The following STX12 variants were observed in gnomAD, a reference collection of about 807,000 sequenced individuals.
The protein encoded by STX12 is syntaxin 12.
In STX12, 17 loss-of-function variants were observed where a neutral mutation model predicts 42.2. The ratio of observed to expected loss-of-function variants is 0.40; its 90% CI spans 0.28 to 0.60. The LOEUF (loss-of-function observed/expected upper bound fraction) is 0.60. Among genes scored for constraint, STX12 ranks in the 20% least tolerant of loss-of-function variants. The pLI, the probability that STX12 is intolerant of heterozygous loss-of-function variation, is 0.39. For synonymous variants in STX12, 108 were observed against 116.7 expected (o/e 0.93, Z 0.48); for missense variants, 297 against 330.9 (o/e 0.90, Z 0.79).
chr1:27,783,316 C>A (rs920150039), intron 1 of STX12, among the ~76,000 whole-genome samples: 1 of 151,876 alleles, frequency 6.6e-6, no homozygotes, highest in Non-Finnish European at 1.5e-5. Flanking sequence ...AAATTGAGTC[C>A]TAGTTGTTTG....
intron 3 of STX12, among the ~76,000 whole-genome samples, chr1:27,796,886 G>A (rs2088789653): frequency 6.6e-6 from 1 of 151,624 alleles, no homozygotes; most frequent in South Asian, 2.1e-4. Flanking sequence ...TGTATTTTTA[G>A]TAGAGATGGG....
intron 4 of STX12, among the ~76,000 whole-genome samples, chr1:27,805,436 T>C (rs1039766667): frequency 6.6e-6 from 1 of 152,220 alleles, no homozygotes; most frequent in African/African-American, 2.4e-5. Context: ...ATTTTCATTT[T>C]TGCAAATTTT....
intron 2 of STX12, among the ~76,000 whole-genome samples, chr1:27,792,556 A>G (rs969907620): frequency 3.3e-5 from 5 of 151,858 alleles, no homozygotes; most frequent in African/African-American, 1.2e-4. Flanking sequence ...GCCCATTTGC[A>G]GTACAGAAAA....
chr1:27,773,826 T>G, intron 1 of STX12: 1 of 206,548 alleles, frequency 4.8e-6, no homozygotes, highest in South Asian at 7.0e-5. Context: ...CCAGTTTGGA[T>G]GGGGTTGTTT....
chr1:27,817,364 C>G (rs781416335), intron 6 of STX12, among the ~76,000 whole-genome samples: 1 of 152,208 alleles, frequency 6.6e-6, no homozygotes, highest in Non-Finnish European at 1.5e-5. Context: ...CCAGCAACTC[C>G]TCACACAGTT....
chr1:27,801,876 G>C, intron 4 of STX12, 61 bp downstream of exon 4: 1 of 1,537,180 alleles, frequency 6.5e-7, no homozygotes, highest in Non-Finnish European at 8.7e-7. Flanking sequence ...CAAGTTTGTG[G>C]GTTTTTTTCT....
In STX12 at chr1:27,824,402, A is replaced by G. The variant is rs1249413039; in HGVS notation, c.*2073A>G. ...GGCCTAGAATTTGTGGTAGTTGCCA[A>G]AGAGGTTCTCCTAGGTGGTCTTAAT... On this transcript the variant is annotated 3_prime_UTR_variant, in exon 9 of 9. Transcript: ENST00000373943. 3 of 152,214 alleles carry G rather than the reference A, an allele frequency of 2.0e-5. No homozygotes were observed. Among genetic ancestry groups the G allele is most frequent in the Non-Finnish European group, 2.9e-5 (2 of 68,050 alleles). The allele number at this position is 152,214 out of a possible 1,614,324, so 9.4% of individuals were successfully genotyped here. A position where few individuals can be genotyped will look rare whatever the true frequency, so the allele number is the denominator to read the frequency against.
At position 27,812,249 on chromosome 1, in the gene STX12, C is replaced by A. The variant is rs139697930; in HGVS notation, c.557C>A (p.Thr186Lys). The change falls in exon 6 of 9, where the codon ACG becomes AAG. Residue 186 changes from threonine (T) to lysine (K), a missense_variant. Transcript: ENST00000373943. ...TTGGAACTTATTAAAGAAAGAGAAACGGCAATTCGGCAGCTGGAGGTGAGA... is the reference window on the plus strand; with the variant it reads ...TTGGAACTTATTAAAGAAAGAGAAAAGGCAATTCGGCAGCTGGAGGTGAGA... Reference protein sequence around the residue: ...QDLELIKERETAIRQLEADIL... With the variant: ...QDLELIKEREKAIRQLEADIL... 6.4e-7 allele frequency: 1 copy of A among 1,556,634 alleles called. No homozygotes were observed.
chr1:27,791,398 A>G (rs1472885555), intron 2 of STX12, among the ~76,000 whole-genome samples: 1 of 152,252 alleles, frequency 6.6e-6, no homozygotes, highest in Non-Finnish European at 1.5e-5. Flanking sequence ...TGCATATGTA[A>G]TCAGAATGGC....
intron 6 of STX12, among the ~76,000 whole-genome samples, chr1:27,814,118 C>T (rs970981683): frequency 1.3e-5 from 2 of 152,112 alleles, no homozygotes; most frequent in Non-Finnish European, 2.9e-5. Context: ...CCAGGCTGGT[C>T]TTGTCTGTTT....
intron 1 of STX12, among the ~76,000 whole-genome samples, chr1:27,784,913 C>T (rs1325763699): frequency 1.3e-5 from 2 of 152,014 alleles, no homozygotes; most frequent in Non-Finnish European, 2.9e-5. Flanking sequence ...ACTTCCTCAA[C>T]CCCTCCCTAT....
chr1:27,811,374 G>T (rs1442360623), intron 5 of STX12, among the ~76,000 whole-genome samples: 1 of 151,594 alleles, frequency 6.6e-6, no homozygotes, highest in African/African-American at 2.4e-5. Context: ...GCAGGTTGAG[G>T]CAGGAGGATA....
intron 2 of STX12, among the ~76,000 whole-genome samples, chr1:27,790,346 G>C (rs2148599554): frequency 6.6e-6 from 1 of 152,278 alleles, no homozygotes; most frequent in East Asian, 1.9e-4. Context: ...GCGTGGAAGA[G>C]GATCTGAGCA....
chr1:27,781,028 TA>T (rs1349163200), intron 1 of STX12, among the ~76,000 whole-genome samples: 2 of 152,062 alleles, frequency 1.3e-5, no homozygotes, highest in East Asian at 3.9e-4. Context: ...AGGCGTTCAA[TA>T]AATGGTGACA....
intron 4 of STX12, among the ~76,000 whole-genome samples, chr1:27,803,772 G>C (rs2088841205): frequency 6.6e-6 from 1 of 152,194 alleles, no homozygotes; most frequent in Non-Finnish European, 1.5e-5. Flanking sequence ...GGGAGGCCAA[G>C]GTGGGCAGAT....
chr1:27,785,471 G>T (rs2088693024), intron 1 of STX12, among the ~76,000 whole-genome samples: 1 of 152,288 alleles, frequency 6.6e-6, no homozygotes, highest in Middle Eastern at 3.4e-3. Flanking sequence ...TTGAATTTTG[G>T]AATTGAGCAG....
chr1:27,794,864 A>T (rs1477215759), intron 3 of STX12, among the ~76,000 whole-genome samples: 2 of 151,914 alleles, frequency 1.3e-5, no homozygotes, highest in East Asian at 1.9e-4. Flanking sequence ...TGGAACCACA[A>T]GTGCGCACCA....
intron 1 of STX12, among the ~76,000 whole-genome samples, chr1:27,774,531 T>C (rs1211279306): frequency 6.6e-6 from 1 of 152,138 alleles, no homozygotes; most frequent in Non-Finnish European, 1.5e-5. Flanking sequence ...TTAAAAATTT[T>C]TCTTTTTTGT....
chr1:27,812,292 G>A (rs754660041), intron 6 of STX12, 24 bp downstream of exon 6: 9 of 1,528,832 alleles, frequency 5.9e-6, no homozygotes, highest in Non-Finnish European at 8.0e-6. Context: ...CATGTTTTTT[G>A]TTTGACTCAG....
Sources: gnomAD v4.1 joint callset for allele counts (sites outside exome capture counted in the v4.1 genomes callset) on GRCh38, gnomAD v4.1.1 for gene constraint, MANE v1.5 for transcripts, NCBI Gene and HGNC (gene_info 2026-07-23, HGNC 2026-07-21) for gene names.